The following MAD1L1 variants were observed in gnomAD, a reference collection of about 807,000 sequenced individuals.
MAD1L1 encodes the protein mitotic spindle assembly checkpoint protein MAD1.
A neutral mutation model predicts 96.9 loss-of-function variants in MAD1L1; 95 were observed. That is an observed-to-expected ratio of 0.98 (90% CI 0.83 to 1.16). The LOEUF (loss-of-function observed/expected upper bound fraction) is 1.16. Ranked by LOEUF, MAD1L1 falls within the 50% of genes most tolerant of loss-of-function variation. MAD1L1 has a pLI of 0.00. For synonymous variants in MAD1L1, 473 were observed against 396.6 expected (o/e 1.19, Z -2.29); for missense variants, 1,007 against 954.4 (o/e 1.06, Z -0.73).
chr7:2,225,348 C>T (rs1192795336), intron 4 of MAD1L1, 62 bp downstream of exon 4: 15 of 1,589,096 alleles, frequency 9.4e-6, no homozygotes, highest in African/African-American at 4.0e-5. Flanking sequence ...TGGCAGGTAC[C>T]GTGCACAGCC....
At chr7:1,999,400 C>T (rs1029852445) in intron 14 of MAD1L1, among the ~76,000 whole-genome samples, 6 of 152,194 alleles carry the variant, frequency 3.9e-5, no homozygotes, top group Admixed American at 1.3e-4. Flanking sequence ...GTCACATCTC[C>T]GCCTCCCTCC....
chr7:2,143,012 G>A (rs1789119437), intron 11 of MAD1L1, among the ~76,000 whole-genome samples: 1 of 152,070 alleles, frequency 6.6e-6, no homozygotes, highest in Non-Finnish European at 1.5e-5. Context: ...ACTTACCCCT[G>A]CCATGCCCTG....
rs146768887 is a variant in MAD1L1 at position 2,131,321 on chromosome 7, G to C, written c.1073+17831C>G. Among the ~76,000 whole-genome samples, 678 of 152,294 alleles carry C rather than the reference G, an allele frequency of 4.5e-3. 2 individuals are homozygous for C. Among genetic ancestry groups the C allele is most frequent in the Non-Finnish European group, 7.8e-3 (533 of 68,016 alleles). ...ACAATCCCCCTCACTTCTCCACCTTGTGATGAGAGGCTACATTAAAAATGG... is the reference window on the plus strand; with the variant it reads ...ACAATCCCCCTCACTTCTCCACCTTCTGATGAGAGGCTACATTAAAAATGG... On this transcript the variant is annotated intron_variant, in intron 11 of 18. Coordinates refer to ENST00000265854, the MANE Select transcript of MAD1L1 (RefSeq NM_001013836.2).
intron 18 of MAD1L1, among the ~76,000 whole-genome samples, chr7:1,818,188 G>T (rs1781927371): frequency 1.3e-5 from 2 of 152,198 alleles, no homozygotes; most frequent in South Asian, 4.2e-4. Flanking sequence ...GGGCAGGGGT[G>T]GGGAGGCAGT....
chr7:2,150,551 G>C (rs1789523524), intron 10 of MAD1L1, among the ~76,000 whole-genome samples: 1 of 152,148 alleles, frequency 6.6e-6, no homozygotes, highest in African/African-American at 2.4e-5. Flanking sequence ...CTTCCTTACA[G>C]TGTCTCTGGC....
chr7:2,075,916 C>T (rs932556413), intron 11 of MAD1L1, among the ~76,000 whole-genome samples: 12 of 152,230 alleles, frequency 7.9e-5, no homozygotes, highest in African/African-American at 2.7e-4. Flanking sequence ...AGGCATCGCA[C>T]AAACAGGCAT....
intron 16 of MAD1L1, among the ~76,000 whole-genome samples, chr7:1,944,367 C>G (rs1045274234): frequency 6.6e-6 from 1 of 152,156 alleles, no homozygotes; most frequent in Non-Finnish European, 1.5e-5. Flanking sequence ...GTGGAATGTG[C>G]GTCGCATTTC....
At chr7:1,869,969 G>A (rs1297198849) in intron 18 of MAD1L1, among the ~76,000 whole-genome samples, 2 of 152,168 alleles carry the variant, frequency 1.3e-5, no homozygotes, top group Admixed American at 6.5e-5. Context: ...TAAGCCAAGG[G>A]GTGCCTCGCC....
rs202177419 is a variant in MAD1L1 at position 1,820,548 on chromosome 7, C to G, written c.1999-4320G>C. ...TTGGGAGGCCAAGGTGAGAGGATCA[C>G]TTGAGCCCTGGAGTTTGAGACCAGC... On this transcript the variant is annotated intron_variant, in intron 18 of 18. Coordinates refer to ENST00000265854, the MANE Select transcript of MAD1L1 (RefSeq NM_001013836.2). 5.9e-5 allele frequency among the ~76,000 whole-genome samples: 9 copies of G among 152,098 alleles called. No individual in the cohort carries two copies. In the East Asian group the frequency reaches 1.3e-3, roughly 23 times the overall value.
chr7:1,900,708 G>A (rs1787190973), intron 17 of MAD1L1, among the ~76,000 whole-genome samples: 2 of 152,212 alleles, frequency 1.3e-5, no homozygotes, highest in South Asian at 2.1e-4. Context: ...CATGGCCCGT[G>A]CTGCCTTTGA....
At chr7:2,149,362 A>C in intron 10 of MAD1L1, 124 bp from the exon 11 acceptor site, 1 of 766,216 alleles carries the variant, frequency 1.3e-6, no homozygotes, top group Non-Finnish European at 2.3e-6. Flanking sequence ...GGATGTGTGA[A>C]CTCTGTGGAC....
At chr7:2,148,954 G>A (rs748013728) in intron 11 of MAD1L1, among the ~76,000 whole-genome samples, 198 bp downstream of exon 11, 11 of 152,070 alleles carry the variant, frequency 7.2e-5, no homozygotes, top group South Asian at 4.2e-4. Flanking sequence ...GTGCCTCAGC[G>A]GAGGCTCACA....
At chr7:2,124,043 A>G (rs1423587898) in intron 11 of MAD1L1, among the ~76,000 whole-genome samples, 3 of 152,192 alleles carry the variant, frequency 2.0e-5, no homozygotes, top group Admixed American at 1.3e-4. Flanking sequence ...CTCCTCCTCT[A>G]GACGGGGAAG....
At chr7:1,996,988 C>T (rs923753925) in intron 14 of MAD1L1, among the ~76,000 whole-genome samples, 10 of 152,180 alleles carry the variant, frequency 6.6e-5, no homozygotes, top group African/African-American at 2.4e-4. Flanking sequence ...CATCTCCAGC[C>T]ACTGCGGGCC....
chr7:1,874,977 A>G (rs4719330), intron 18 of MAD1L1, among the ~76,000 whole-genome samples: 106,855 of 152,052 alleles, frequency 0.7, 38,294 homozygotes, highest in African/African-American at 0.85. Context: ...TGGGAGCTCC[A>G]GGGCAGGCAT....
intron 10 of MAD1L1, among the ~76,000 whole-genome samples, chr7:2,205,187 A>C (rs1792536812): frequency 6.8e-6 from 1 of 147,800 alleles, no homozygotes; most frequent in Admixed American, 7.0e-5. Flanking sequence ...GAAAAATGAC[A>C]CCCGTCCTTG....
chr7:1,950,636 GC>G (rs958830756), intron 16 of MAD1L1, among the ~76,000 whole-genome samples: 2 of 152,234 alleles, frequency 1.3e-5, no homozygotes, highest in Non-Finnish European at 2.9e-5. Context: ...CTCAATGTCT[GC>G]CCCCAGCTGC....
At position 1,898,409 on chromosome 7, in the gene MAD1L1, G is replaced by C. The variant is rs1263804826; in HGVS notation, c.1808-19C>G. On this transcript the variant is annotated intron_variant, in intron 17 of 18. Transcript: ENST00000265854. ...TTCAGCTCTGCGGGAGGGACGGAAG[G>C]AGACAGTGAGTGCGGCACCAGGCCG... 4 of 1,610,614 alleles carry C rather than the reference G, an allele frequency of 2.5e-6. No individual in the cohort carries two copies. Among genetic ancestry groups the C allele is most frequent in the South Asian group, 1.1e-5 (1 of 90,814 alleles).
At chr7:2,215,791 A>C (rs537269069) in intron 9 of MAD1L1, 94 bp downstream of exon 9, 2 of 1,119,314 alleles carry the variant, frequency 1.8e-6, no homozygotes, top group Non-Finnish European at 2.7e-6. Flanking sequence ...TCCATGTTGT[A>C]GGTGAGCAGC....
Sources: gnomAD v4.1 joint callset for allele counts (sites outside exome capture counted in the v4.1 genomes callset) on GRCh38, gnomAD v4.1.1 for gene constraint, MANE v1.5 for transcripts, NCBI Gene and HGNC (gene_info 2026-07-23, HGNC 2026-07-21) for gene names.